KCNJ15: variants seen among roughly 807,000 people sequenced by gnomAD.
KCNJ15 encodes the protein ATP-sensitive inward rectifier potassium channel 15.
Under a neutral mutation model 23.0 loss-of-function variants are expected in KCNJ15, and 14 were observed. The ratio of observed to expected loss-of-function variants is 0.61; its 90% confidence interval spans 0.40 to 0.95. The LOEUF (loss-of-function observed/expected upper bound fraction) is 0.95. Ranked by LOEUF, KCNJ15 falls within the 40% of genes least tolerant of loss-of-function variation. KCNJ15 has a pLI of 0.00. For synonymous variants in KCNJ15, 185 were observed against 183.2 expected, an observed-to-expected ratio of 1.01 and a Z score of -0.08; for missense variants, 388 against 461.8, an observed-to-expected ratio of 0.84 and a Z score of 1.46.
intron 1 of KCNJ15, among the ~76,000 whole-genome samples, chr21:38,265,993 C>T (rs73414758): frequency 0.047 from 7,122 of 152,070 alleles, 544 homozygotes; most frequent in African/African-American, 0.16. Context: ...CAGGAGGGTG[C>T]GGGAGGTCGG....
chr21:38,269,967 G>A (rs149987617), intron 1 of KCNJ15, among the ~76,000 whole-genome samples: 28 of 152,090 alleles, frequency 1.8e-4, no homozygotes, highest in Middle Eastern at 3.4e-3. Flanking sequence ...TCTTCCCACC[G>A]CTCCCCAGCA....
upstream of KCNJ15, among the ~76,000 whole-genome samples, chr21:38,251,996 C>T (rs147274463): frequency 1.1e-4 from 17 of 152,232 alleles, no homozygotes; most frequent in East Asian, 7.7e-4. Flanking sequence ...GGGGAAGCCT[C>T]CAGTGGGAGG....
chr21:38,285,794 C>A (rs1983823155), intron 1 of KCNJ15: 1 of 152,358 alleles, frequency 6.6e-6, no homozygotes, highest in South Asian at 2.1e-4. Flanking sequence ...CAGGATTTGT[C>A]TTGTCAGCAG....
intron 1 of KCNJ15, among the ~76,000 whole-genome samples, chr21:38,277,928 T>C (rs1197076136): frequency 6.6e-6 from 1 of 152,218 alleles, no homozygotes; most frequent in East Asian, 1.9e-4. Context: ...ATCTACCACA[T>C]GCCAGCAACT....
At chr21:38,249,914 G>A (rs1979708900) in intron 1 of KCNJ15, among the ~76,000 whole-genome samples, 1 of 152,106 alleles carries the variant, frequency 6.6e-6, no homozygotes, top group South Asian at 2.1e-4. Flanking sequence ...ATTTGTTGTG[G>A]CTTCTCTAGG....
intron 1 of KCNJ15, among the ~76,000 whole-genome samples, chr21:38,278,290 T>A (rs932557165): frequency 6.6e-6 from 1 of 151,958 alleles, no homozygotes; most frequent in Non-Finnish European, 1.5e-5. Context: ...GGTGGTGGGG[T>A]GTGATGGATG....
chr21:38,241,284 C>T (rs1214061945), intron 1 of KCNJ15, among the ~76,000 whole-genome samples: 1 of 147,612 alleles, frequency 6.8e-6, no homozygotes, highest in Non-Finnish European at 1.5e-5. Context: ...TTCAGGTTTG[C>T]AGTTTCTCCA....
chr21:38,293,484 T>C (rs988679163), intron 1 of KCNJ15, among the ~76,000 whole-genome samples: 1 of 151,986 alleles, frequency 6.6e-6, no homozygotes, highest in South Asian at 2.1e-4. Context: ...CAGCAAATAG[T>C]TGGGAGCAAC....
rs1986014873 is a variant in KCNJ15, at chr21:38,305,154, CT to C, written c.*4767del. On this transcript the variant is annotated 3_prime_UTR_variant, in exon 3 of 3. Transcript: ENST00000398938. ...CGTGGCAAAACTAGACCTTCAGACA[CT>C]TCACTTCACTTAACCCTATGGCCCT... 1.3e-5 allele frequency: 2 copies of C among 151,412 alleles called. No homozygotes were observed. The highest frequency in any genetic ancestry group is 2.9e-5 in the Non-Finnish European group (2 of 67,858). The allele number at this position is 151,412 out of a possible 1,614,324, so 9.4% of individuals were successfully genotyped here.
At chr21:38,263,175 C>T (rs190333303) in intron 1 of KCNJ15, among the ~76,000 whole-genome samples, 31 of 152,204 alleles carry the variant, frequency 2.0e-4, no homozygotes, top group South Asian at 4.1e-4. Flanking sequence ...GAGGTGAAGT[C>T]TCCACTCCAT....
At chr21:38,253,701 CT>C (rs1188196053), upstream of KCNJ15, among the ~76,000 whole-genome samples, 2 of 149,788 alleles carry the variant, frequency 1.3e-5, no homozygotes, top group African/African-American at 4.9e-5. Context: ...ATTTTTTTTT[CT>C]TTTTTGGAAA....
In KCNJ15 at chr21:38,303,456, C is replaced by G. The variant is rs1167248239; in HGVS notation, c.*3067C>G. 1 of 152,038 alleles carries G rather than the reference C, an allele frequency of 6.6e-6. No homozygotes were observed. Among genetic ancestry groups the G allele is most frequent in the East Asian group, 1.9e-4 (1 of 5,174 alleles). 9.4% of individuals were successfully genotyped at this position (152,038 alleles called of 1,614,324 possible). ...GCCCCACAAGCCACGTCTTATTCAG[C>G]AATAAAATAGTGCTCACATGGTGCC... On this transcript the variant is annotated 3_prime_UTR_variant, in exon 3 of 3. Coordinates refer to ENST00000398938, the MANE Select transcript of KCNJ15 (RefSeq NM_170736.3).
intron 1 of KCNJ15, chr21:38,238,314 G>A: frequency 1.4e-6 from 1 of 715,404 alleles, no homozygotes; most frequent in Non-Finnish European, 2.6e-6. Flanking sequence ...CAGTGGCCTG[G>A]TCTTCCTGCC....
chr21:38,275,917 C>T (rs1982641466), intron 1 of KCNJ15, among the ~76,000 whole-genome samples: 1 of 152,178 alleles, frequency 6.6e-6, no homozygotes, highest in African/African-American at 2.4e-5. Context: ...ATCAGTCCTC[C>T]TCCTGGAAAT....
In KCNJ15 at chr21:38,305,520, G is replaced by A. The variant is rs1373482154; in HGVS notation, c.*5131G>A. ...TATAAAAGCCAACGATGTCATATAT[G>A]TAGGCAAAGTCTTTGTAATCTGAAT... On this transcript the variant is annotated 3_prime_UTR_variant, in exon 3 of 3. Coordinates refer to ENST00000398938, the MANE Select transcript of KCNJ15 (RefSeq NM_170736.3). 4 of 152,224 alleles carry A rather than the reference G, an allele frequency of 2.6e-5. No homozygotes were observed. Among genetic ancestry groups the A allele is most frequent in the Admixed American group, 6.5e-5 (1 of 15,288 alleles). 9.4% of individuals were successfully genotyped at this position (152,224 alleles called of 1,614,324 possible).
At chr21:38,258,066 A>C (rs1044094763) in intron 1 of KCNJ15, among the ~76,000 whole-genome samples, 1 of 152,112 alleles carries the variant, frequency 6.6e-6, no homozygotes, top group Non-Finnish European at 1.5e-5. Flanking sequence ...TTTACCTGTA[A>C]GAGGGATTTT....
chr21:38,247,268 G>A (rs1979472144), intron 1 of KCNJ15, among the ~76,000 whole-genome samples: 1 of 151,388 alleles, frequency 6.6e-6, no homozygotes, highest in African/African-American at 2.4e-5. Context: ...ATAAATGGAT[G>A]TATGGCTAAA....
chr21:38,269,031 A>C (rs1358843646), intron 1 of KCNJ15: 1 of 152,146 alleles, frequency 6.6e-6, no homozygotes, highest in Non-Finnish European at 1.5e-5. Flanking sequence ...TTAGTTTCTC[A>C]CCTACAAAAG....
At chr21:38,276,886 TC>T (rs1982760125) in intron 1 of KCNJ15, among the ~76,000 whole-genome samples, 1 of 152,128 alleles carries the variant, frequency 6.6e-6, no homozygotes, top group Non-Finnish European at 1.5e-5. Flanking sequence ...TCTAGATTTA[TC>T]AACTGCATAC....
Sources: allele counts gnomAD v4.1 joint callset (sites outside exome capture counted in the v4.1 genomes callset), GRCh38; gene constraint gnomAD v4.1.1; transcripts MANE v1.5; gene names NCBI Gene and HGNC (gene_info 2026-07-23, HGNC 2026-07-21).